Variants in FAT3 observed in about 807,000 individuals in gnomAD.
FAT3 encodes protocadherin Fat 3.
Under a neutral mutation model 310.2 loss-of-function variants are expected in FAT3, and 95 were observed. The ratio of observed to expected loss-of-function variants is 0.31; its 90% CI spans 0.26 to 0.36. The LOEUF (loss-of-function observed/expected upper bound fraction) is 0.36, where lower values mean the gene tolerates loss of function less well. Among genes scored for constraint, FAT3 ranks in the 10% least tolerant of loss-of-function variants. The probability of loss-of-function intolerance (pLI) is 1.00; values close to 1 mark genes in which losing one functional copy is unlikely to be tolerated. For synonymous variants in FAT3, 2,314 were observed against 2,192.9 expected, an observed-to-expected ratio of 1.06 and a Z score of -1.54; for missense variants, 5,408 against 5,715.6, an observed-to-expected ratio of 0.95 and a Z score of 1.74.
intron 22 of FAT3, among the ~76,000 whole-genome samples, chr11:92,880,132 G>A (rs935937377): frequency 1.1e-4 from 17 of 151,402 alleles, no homozygotes; most frequent in African/African-American, 3.6e-4. Context: ...CTTATGAGGG[G>A]AGAAAGTGAA....
At chr11:92,632,224 C>T (rs1476678719) in intron 3 of FAT3, among the ~76,000 whole-genome samples, 5 of 152,222 alleles carry the variant, frequency 3.3e-5, no homozygotes, top group African/African-American at 4.8e-5. Flanking sequence ...CTAGCAAGAC[C>T]TTGCCTATCC....
intron 2 of FAT3, among the ~76,000 whole-genome samples, chr11:92,366,216 C>G (rs1472738755): frequency 6.6e-6 from 1 of 152,178 alleles, no homozygotes; most frequent in Non-Finnish European, 1.5e-5. Flanking sequence ...GGCAAAAACC[C>G]AAGTCACTAC....
rs765054357 is a variant in FAT3, at chr11:92,800,241, G to A, written c.7228G>A (p.Gly2410Ser). ...ATATGTGAGTGAATTAGCCCCCCGG[G>A]GCCATTTTGTAACCTGTGTACAAGC... ...ESYVSELAPR[G>S]HFVTCVQASD... The change falls in exon 10 of 28, where the codon GGC (glycine) becomes AGC (serine). Residue 2410 changes from glycine to serine, a missense_variant. Transcript: ENST00000525166. The A allele has an allele frequency of 2.0e-5, 33 of 1,613,808 alleles. No individual in the cohort carries two copies. Among genetic ancestry groups the A allele is most frequent in the Non-Finnish European group, 2.6e-5 (31 of 1,179,884 alleles).
intron 3 of FAT3, among the ~76,000 whole-genome samples, chr11:92,593,781 T>C (rs566847403): frequency 2.0e-5 from 3 of 152,334 alleles, no homozygotes; most frequent in South Asian, 2.1e-4. Flanking sequence ...TAATCTCTTA[T>C]CGGAATGCAT....
chr11:92,429,604 G>C (rs890029238), intron 2 of FAT3, among the ~76,000 whole-genome samples: 6 of 152,166 alleles, frequency 3.9e-5, no homozygotes, highest in South Asian at 2.1e-4. Flanking sequence ...GCATTAGCTT[G>C]TCTGTAAAGG....
intron 3 of FAT3, among the ~76,000 whole-genome samples, chr11:92,542,036 C>T (rs16917692): frequency 0.04 from 6,041 of 152,036 alleles, 178 homozygotes; most frequent in Middle Eastern, 0.061. Context: ...AAGCAACAGA[C>T]ATTATAACCA....
intron 3 of FAT3, among the ~76,000 whole-genome samples, chr11:92,587,017 T>C (rs1336920501): frequency 6.6e-6 from 1 of 152,038 alleles, no homozygotes; most frequent in Non-Finnish European, 1.5e-5. Flanking sequence ...AGATTTCTTA[T>C]TAGTGTATGT....
intron 3 of FAT3, among the ~76,000 whole-genome samples, chr11:92,660,693 G>A (rs1942751683): frequency 6.6e-6 from 1 of 152,196 alleles, no homozygotes; most frequent in African/African-American, 2.4e-5. Context: ...CTCTCATGCT[G>A]TGATTTCAAT....
At chr11:92,449,411 G>A (rs1428363223) in intron 2 of FAT3, among the ~76,000 whole-genome samples, 1 of 152,070 alleles carries the variant, frequency 6.6e-6, no homozygotes, top group Non-Finnish European at 1.5e-5. Flanking sequence ...AGTGGAATCG[G>A]GTTCCCTATG....
At chr11:92,605,454 T>C (rs1388380787) in intron 3 of FAT3, among the ~76,000 whole-genome samples, 2 of 152,156 alleles carry the variant, frequency 1.3e-5, no homozygotes, top group African/African-American at 4.8e-5. Context: ...AAGACAGACA[T>C]GACCTCTGCC....
intron 4 of FAT3, among the ~76,000 whole-genome samples, chr11:92,744,671 G>A (rs1346741156): frequency 1.3e-5 from 2 of 152,072 alleles, no homozygotes; most frequent in South Asian, 2.1e-4. Flanking sequence ...GTAGAGACTG[G>A]TGGGCCAGTT....
In FAT3 at chr11:92,320,881, G is replaced by GGC. The variant is rs960849577; in HGVS notation, c.-17-31214_-17-31213insCG. Reference sequence around the variant, plus strand: ...CGAAACTCCATCTCAAAAAAAAAAAGGGGGGGGTACTTATTTATAATGTCC... The same window carrying GGC: ...CGAAACTCCATCTCAAAAAAAAAAAGGCGGGGGGGTACTTATTTATAATGTCC... On this transcript the variant is annotated intron_variant, in intron 1 of 27. Transcript: ENST00000525166. Among the ~76,000 whole-genome samples the GGC allele has an allele frequency of 4.0e-5, 3 of 74,440 alleles. 1 individual carries two copies. In the African/African-American group the frequency reaches 4.1e-4, roughly 10 times the overall value. The allele number at this position is 74,440 out of a possible 152,430, so 48.8% of individuals were successfully genotyped here.
At chr11:92,412,738 T>TATACACACAC (rs1950315393) in intron 2 of FAT3, among the ~76,000 whole-genome samples, 1 of 63,734 alleles carries the variant, frequency 1.6e-5, no homozygotes. Flanking sequence ...TATATATATA[T>TATACACACAC]ATATATAAAT....
rs140460267 is a variant in FAT3 at position 92,863,856 on chromosome 11, A to T, written c.11659-2885A>T. 2.2e-4 allele frequency among the ~76,000 whole-genome samples: 34 copies of T among 152,350 alleles called. No homozygotes were observed. In the East Asian group the frequency reaches 6.6e-3, roughly 29 times the overall value. On this transcript the variant is annotated intron_variant, in intron 21 of 27. Coordinates refer to ENST00000525166, the MANE Select transcript of FAT3 (RefSeq NM_001367949.2). ...GAATAATATAACTGTGCAATAGCAA[A>T]AGATTATTAACTTTTCACAAGGTAA...
chr11:92,393,092 G>A (rs189794714), intron 2 of FAT3, among the ~76,000 whole-genome samples: 1 of 152,288 alleles, frequency 6.6e-6, no homozygotes, highest in Admixed American at 6.5e-5. Flanking sequence ...GAACCTAAAT[G>A]TCAGTTATGT....
intron 13 of FAT3, among the ~76,000 whole-genome samples, chr11:92,830,275 A>C (rs1005589402): frequency 6.6e-6 from 1 of 152,256 alleles, no homozygotes; most frequent in Non-Finnish European, 1.5e-5. Context: ...ATCAATATTC[A>C]GAAGTAGAAG....
At chr11:92,332,019 A>G (rs1353613411) in intron 1 of FAT3, among the ~76,000 whole-genome samples, 1 of 152,222 alleles carries the variant, frequency 6.6e-6, no homozygotes, top group Admixed American at 6.5e-5. Flanking sequence ...TACAAGAGCC[A>G]TCATTTTCCT....
At chr11:92,502,997 T>C (rs937306301) in intron 2 of FAT3, among the ~76,000 whole-genome samples, 5 of 152,116 alleles carry the variant, frequency 3.3e-5, no homozygotes, top group African/African-American at 1.2e-4. Context: ...AGGTAGCCTA[T>C]TGCTCTAATC....
intron 1 of FAT3, among the ~76,000 whole-genome samples, chr11:92,350,034 T>C (rs1419361555): frequency 2.0e-5 from 3 of 151,550 alleles, no homozygotes; most frequent in Non-Finnish European, 4.4e-5. Flanking sequence ...TGAGCTCTAA[T>C]CTAGAGTCTG....
Sources: allele counts gnomAD v4.1 joint callset (sites outside exome capture counted in the v4.1 genomes callset), GRCh38; gene constraint gnomAD v4.1.1; transcripts MANE v1.5; gene names NCBI Gene and HGNC (gene_info 2026-07-23, HGNC 2026-07-21).